NFIA: variants seen among roughly 807,000 people sequenced by gnomAD.
NFIA encodes nuclear factor 1 A-type.
A neutral mutation model predicts 62.8 loss-of-function variants in NFIA; 8 were observed. The ratio of observed to expected loss-of-function variants is 0.13; its 90% confidence interval spans 0.07 to 0.23. NFIA has a LOEUF of 0.23. Among genes scored for constraint, NFIA ranks in the 10% least tolerant of loss-of-function variants. NFIA has a pLI of 1.00. For synonymous variants in NFIA, 235 were observed against 238.1 expected (o/e 0.99, Z 0.12); for missense variants, 410 against 642.1 (o/e 0.64, Z 3.91).
chr1:61,387,468 C>CTTTTTTTT (rs33965994), intron 7 of NFIA, among the ~76,000 whole-genome samples: 8 of 95,476 alleles, frequency 8.4e-5, no homozygotes, highest in Middle Eastern at 5.8e-3. Flanking sequence ...CAAGCACTTT[C>CTTTTTTTT]TTTTTTTTTT....
At chr1:61,425,456 A>G (rs556954119) in intron 9 of NFIA, among the ~76,000 whole-genome samples, 1 of 152,342 alleles carries the variant, frequency 6.6e-6, no homozygotes, top group South Asian at 2.1e-4. Flanking sequence ...TGTTTCTTAG[A>G]TGATGTGTGT....
chr1:61,208,335 A>T (rs1262367615), intron 2 of NFIA, among the ~76,000 whole-genome samples: 1 of 152,198 alleles, frequency 6.6e-6, no homozygotes, highest in African/African-American at 2.4e-5. Flanking sequence ...AGTATGGTCC[A>T]TGCCAGGCAG....
chr1:61,121,917 G>C (rs908107224), intron 2 of NFIA, among the ~76,000 whole-genome samples: 1 of 152,148 alleles, frequency 6.6e-6, no homozygotes, highest in African/African-American at 2.4e-5. Flanking sequence ...TAGGTGGAAA[G>C]CTATTCCAGA....
chr1:61,229,946 A>G (rs996992435), intron 2 of NFIA, among the ~76,000 whole-genome samples: 7 of 152,200 alleles, frequency 4.6e-5, no homozygotes, highest in Admixed American at 2.6e-4. Context: ...CAGGAAGAAA[A>G]CAAAGATGGC....
chr1:61,297,747 T>G (rs1011648710), intron 3 of NFIA, among the ~76,000 whole-genome samples: 1 of 152,138 alleles, frequency 6.6e-6, no homozygotes, highest in Non-Finnish European at 1.5e-5. Context: ...AGGGTAAATA[T>G]GCTAAGTGCT....
chr1:61,167,337 T>C (rs1649647237), intron 2 of NFIA, among the ~76,000 whole-genome samples: 1 of 152,164 alleles, frequency 6.6e-6, no homozygotes, highest in African/African-American at 2.4e-5. Flanking sequence ...CACTTTAAAA[T>C]AAGGTTACTT....
At chr1:61,358,375 C>CTTTCTTTCTTTTT (rs1663079136) in intron 5 of NFIA, among the ~76,000 whole-genome samples, 1 of 79,550 alleles carries the variant, frequency 1.3e-5, no homozygotes, top group African/African-American at 6.4e-5. Flanking sequence ...TCTTTTCTTT[C>CTTTCTTTCTTTTT]TTTCTTTTTT....
chr1:61,385,260 A>G (rs571061082), intron 7 of NFIA, among the ~76,000 whole-genome samples: 10 of 152,270 alleles, frequency 6.6e-5, no homozygotes, highest in African/African-American at 2.2e-4. Context: ...ACTTCAAAGT[A>G]TAAATAACAT....
chr1:61,275,727 G>T (rs1301722583), intron 2 of NFIA, among the ~76,000 whole-genome samples: 3 of 151,952 alleles, frequency 2.0e-5, no homozygotes, highest in African/African-American at 4.8e-5. Flanking sequence ...AGATTTTCCA[G>T]AACAAAAACA....
chr1:61,440,599 A>G (rs905578144), intron 10 of NFIA, among the ~76,000 whole-genome samples: 11 of 152,222 alleles, frequency 7.2e-5, no homozygotes, highest in African/African-American at 2.7e-4. Flanking sequence ...GTACAAAAAA[A>G]GAACACGTAT....
chr1:61,284,789 CT>C (rs1658377725), intron 3 of NFIA, among the ~76,000 whole-genome samples: 1 of 152,076 alleles, frequency 6.6e-6, no homozygotes, highest in African/African-American at 2.4e-5. Flanking sequence ...CCCCTCCCCA[CT>C]CCCCCCACCT....
intron 2 of NFIA, among the ~76,000 whole-genome samples, chr1:61,093,730 G>A (rs1484925187): frequency 3.3e-5 from 5 of 152,162 alleles, no homozygotes; most frequent in Admixed American, 6.5e-5. Context: ...TAGTTGTTCT[G>A]GAGTAAACCT....
chr1:61,383,377 C>T lies in NFIA; in HGVS notation c.1075+12C>T. ...TACAGGACCCAGAGGTGAGCTGCTC[C>T]ACAGGCACCCTTGGTTGTGCTTATA... is the stretch of plus-strand genomic sequence containing the variant. On this transcript the variant is annotated intron_variant, in intron 7 of 10. Coordinates refer to ENST00000403491, the MANE Select transcript of NFIA (RefSeq NM_001134673.4). The T allele has an allele frequency of 6.2e-7, 1 of 1,613,630 alleles. No individual in the cohort carries two copies. The highest frequency in any genetic ancestry group is 8.5e-7 in the Non-Finnish European group (1 of 1,179,710).
At chr1:61,304,506 A>G (rs907106207) in intron 3 of NFIA, among the ~76,000 whole-genome samples, 1 of 152,186 alleles carries the variant, frequency 6.6e-6, no homozygotes, top group Non-Finnish European at 1.5e-5. Context: ...TGGGGAGTTT[A>G]TAGTTGGGAT....
At chr1:61,267,649 C>T (rs1227645771) in intron 2 of NFIA, among the ~76,000 whole-genome samples, 2 of 152,182 alleles carry the variant, frequency 1.3e-5, no homozygotes, top group Non-Finnish European at 2.9e-5. Context: ...CCACTACCAC[C>T]GCCAGTTAGT....
At position 61,143,585 on chromosome 1, in the gene NFIA, T is replaced by C. The variant is rs867762178; in HGVS notation, c.559+54905T>C. The stretch of plus-strand genomic sequence containing the variant: ...TTGTATTTTTTTGTACAGATGGGGT[T>C]TCACCATGTTGCCCAGGCTGGTCTA... On this transcript the variant is annotated intron_variant, in intron 2 of 10. Transcript: ENST00000403491. Among the ~76,000 whole-genome samples, 11 of 152,118 alleles carry C rather than the reference T, an allele frequency of 7.2e-5. No homozygotes were observed. The South Asian group carries it at 2.1e-3, about 29-fold the overall frequency.
At chr1:61,168,056 AG>A (rs1236001448) in intron 2 of NFIA, among the ~76,000 whole-genome samples, 2 of 152,174 alleles carry the variant, frequency 1.3e-5, no homozygotes, top group Non-Finnish European at 2.9e-5. Context: ...CTTTGATTGC[AG>A]GTAGTGGGGA....
At chr1:61,077,308 G>A (rs932524540), upstream of NFIA, 9 of 300,284 alleles carry the variant, frequency 3.0e-5, no homozygotes, top group African/African-American at 1.3e-4. Context: ...AAACCAGAGC[G>A]AATCTGAGAA....
intron 4 of NFIA, among the ~76,000 whole-genome samples, chr1:61,340,059 C>T (rs1395059654): frequency 2.6e-5 from 4 of 152,190 alleles, no homozygotes; most frequent in African/African-American, 9.7e-5. Flanking sequence ...CATACTCCTA[C>T]AATCTTCCTG....
Sources: gnomAD v4.1 joint callset for allele counts (sites outside exome capture counted in the v4.1 genomes callset) on GRCh38, gnomAD v4.1.1 for gene constraint, MANE v1.5 for transcripts, NCBI Gene and HGNC (gene_info 2026-07-23, HGNC 2026-07-21) for gene names.